The following ZNF385D variants were observed in gnomAD, a reference collection of about 807,000 sequenced individuals.
ZNF385D encodes the protein zinc finger protein 659.
In ZNF385D, 15 loss-of-function variants were observed where a neutral mutation model predicts 35.8. That is an observed-to-expected ratio of 0.42 (90% CI 0.28 to 0.64). The LOEUF (loss-of-function observed/expected upper bound fraction) is 0.64. ZNF385D is among the 30% of genes least tolerant of loss of function. The probability of loss-of-function intolerance (pLI) is 0.23; values close to 1 mark genes in which losing one functional copy is unlikely to be tolerated. For synonymous variants in ZNF385D, 212 were observed against 186.8 expected, an observed-to-expected ratio of 1.13 and a Z score of -1.10; for missense variants, 474 against 494.6, an observed-to-expected ratio of 0.96 and a Z score of 0.39.
chr3:21,711,188 C>T (rs1387608221), intron 1 of ZNF385D, among the ~76,000 whole-genome samples: 2 of 151,554 alleles, frequency 1.3e-5, no homozygotes, highest in Non-Finnish European at 2.9e-5. Context: ...ACTACAGGAG[C>T]CCACCATCAC....
chr3:21,560,372 T>C (rs1280749854), intron 3 of ZNF385D, among the ~76,000 whole-genome samples: 1 of 152,156 alleles, frequency 6.6e-6, no homozygotes, highest in Non-Finnish European at 1.5e-5. Context: ...TTGATGTTGA[T>C]GTTATTCATT....
chr3:21,436,260 G>A (rs1381084373), intron 5 of ZNF385D, among the ~76,000 whole-genome samples: 1 of 151,968 alleles, frequency 6.6e-6, no homozygotes, highest in Non-Finnish European at 1.5e-5. Context: ...ATTTTATCCC[G>A]GCTTGTCAGT....
intron 2 of ZNF385D, among the ~76,000 whole-genome samples, chr3:22,231,422 G>T (rs1698882300): frequency 6.6e-6 from 1 of 152,136 alleles, no homozygotes; most frequent in Non-Finnish European, 1.5e-5. Flanking sequence ...GCCCCAAGGA[G>T]CTGCCTCGCT....
chr3:22,342,771 A>C (rs1014293109), intron 2 of ZNF385D, among the ~76,000 whole-genome samples: 2 of 152,216 alleles, frequency 1.3e-5, no homozygotes, highest in African/African-American at 4.8e-5. Flanking sequence ...GCCCTTGAAG[A>C]AATGTCTCCA....
chr3:21,750,897 A>T lies in ZNF385D; in HGVS notation c.20T>A (p.Phe7Tyr). Residue 7 changes from phenylalanine (F) to tyrosine (Y), a missense_variant and splice_region_variant, in exon 1 of 8, where the codon TTT becomes TAT. Physicochemically the swap from Phe to Tyr is conservative, Grantham distance 22. Coordinates refer to ENST00000281523, the MANE Select transcript of ZNF385D (RefSeq NM_024697.3). ...ACATCATCAGAGTGAACACTCACCA[A>T]AATACATTATGTTTCTCATTAATCA... MRNIMY[F>Y]GGTCQSPALP... 1 of 1,614,122 alleles carries T rather than the reference A, an allele frequency of 6.2e-7. No homozygotes were observed. Among genetic ancestry groups the T allele is most frequent in the Non-Finnish European group, 8.5e-7 (1 of 1,180,012 alleles).
intron 2 of ZNF385D, among the ~76,000 whole-genome samples, chr3:21,619,205 A>C (rs1344281764): frequency 6.6e-6 from 1 of 152,092 alleles, no homozygotes; most frequent in Non-Finnish European, 1.5e-5. Context: ...AAGTATACCC[A>C]AGTCCTATTT....
intron 2 of ZNF385D, among the ~76,000 whole-genome samples, chr3:21,568,420 A>G (rs1020215655): frequency 2.0e-5 from 3 of 152,180 alleles, no homozygotes; most frequent in Admixed American, 6.6e-5. Context: ...ATATAAAAAG[A>G]AAGTCATGTA....
At chr3:21,574,799 C>T (rs2063445250) in intron 2 of ZNF385D, among the ~76,000 whole-genome samples, 1 of 151,888 alleles carries the variant, frequency 6.6e-6, no homozygotes, top group African/African-American at 2.4e-5. Flanking sequence ...TCAGAATATT[C>T]CATAATAAGT....
At chr3:21,901,078 G>T (rs1450940231) in intron 3 of ZNF385D, among the ~76,000 whole-genome samples, 1 of 152,208 alleles carries the variant, frequency 6.6e-6, no homozygotes. Context: ...AACATTTATT[G>T]AGTAGCAAGT....
At chr3:22,185,055 C>T (rs1257830328) in intron 2 of ZNF385D, among the ~76,000 whole-genome samples, 1 of 152,074 alleles carries the variant, frequency 6.6e-6, no homozygotes, top group Non-Finnish European at 1.5e-5. Flanking sequence ...CCTTGCTGTA[C>T]ATTGGATATT....
intron 2 of ZNF385D, among the ~76,000 whole-genome samples, chr3:22,355,133 C>G (rs142114111): frequency 6.6e-6 from 1 of 151,958 alleles, no homozygotes. Context: ...TATCATGTAT[C>G]ATGTTGTTGG....
rs565048374 is a variant in ZNF385D at position 21,693,626 on chromosome 3, T to A, written c.23-28598A>T. The stretch of plus-strand genomic sequence containing the variant: ...ATACCAAGAGGAATCATGCTAAAAT[T>A]CATAAACCAAAAAAGTATATGTCCT... On this transcript the variant is annotated intron_variant, in intron 1 of 7. Transcript: ENST00000281523. Among the ~76,000 whole-genome samples, 3 of 152,264 alleles carry A rather than the reference T, an allele frequency of 2.0e-5. No homozygotes were observed. In the South Asian group the frequency reaches 6.2e-4, roughly 32 times the overall value.
chr3:22,154,985 G>A lies in ZNF385D; in HGVS notation c.325+13832C>T, dbSNP rs559915278. Among the ~76,000 whole-genome samples the A allele has an allele frequency of 2.0e-5, 3 of 152,222 alleles. No individual in the cohort carries two copies. The East Asian group carries it at 5.8e-4, about 29-fold the overall frequency. ...ATTTGGTGGTTGACTACTATATTAA[G>A]TGAATTAAGGCAGCCATTGAACAGT... On this transcript the variant is annotated intron_variant, in intron 3 of 5. Transcript: ENST00000494108.
At chr3:22,075,320 A>G (rs948594299) in intron 3 of ZNF385D, among the ~76,000 whole-genome samples, 2 of 151,864 alleles carry the variant, frequency 1.3e-5, no homozygotes, top group Non-Finnish European at 2.9e-5. Context: ...TCCTCTCCAG[A>G]GGCCTAATGT....
Position 22,122,975 on chromosome 3 carries a change from T to C in ZNF385D, c.325+45842A>G, listed in dbSNP as rs894199133. Among the ~76,000 whole-genome samples the C allele has an allele frequency of 3.9e-5, 6 of 152,152 alleles. No homozygotes were observed. In the East Asian group the frequency reaches 7.7e-4, roughly 20 times the overall value. ...TAGGAGATAAGATCATATAGGGCTT[T>C]GGAGGCAACTTTAAAGACTACTTTT... On this transcript the variant is annotated intron_variant, in intron 3 of 5. Coordinates refer to the ZNF385D transcript ENST00000494108.
chr3:22,325,761 A>G (rs1218932646), intron 2 of ZNF385D, among the ~76,000 whole-genome samples: 1 of 152,160 alleles, frequency 6.6e-6, no homozygotes, highest in Non-Finnish European at 1.5e-5. Context: ...CTGTCTCAAA[A>G]AAACAAAAAA....
At chr3:21,715,020 T>C (rs1349877183) in intron 1 of ZNF385D, among the ~76,000 whole-genome samples, 1 of 152,196 alleles carries the variant, frequency 6.6e-6, no homozygotes, top group Non-Finnish European at 1.5e-5. Flanking sequence ...GGATTATTAA[T>C]TATAGTTTTC....
chr3:21,701,641 G>C lies in ZNF385D; in HGVS notation c.23-36613C>G, dbSNP rs1351854744. 2.6e-5 allele frequency among the ~76,000 whole-genome samples: 4 copies of C among 152,200 alleles called. No homozygotes were observed. In the East Asian group the frequency reaches 7.7e-4, roughly 29 times the overall value. On this transcript the variant is annotated intron_variant, in intron 1 of 7. Transcript: ENST00000281523. ...AGTCCACAGCCAAAGTCTCATCTGA[G>C]ACAAAGCAAGTGCCTTCTGCCTATG...
intron 2 of ZNF385D, among the ~76,000 whole-genome samples, chr3:22,254,914 A>G (rs1184564050): frequency 6.6e-6 from 1 of 151,860 alleles, no homozygotes; most frequent in Non-Finnish European, 1.5e-5. Context: ...ATAATTGACT[A>G]ACATGGGGGT....
Sources: gnomAD v4.1 joint callset for allele counts (sites outside exome capture counted in the v4.1 genomes callset) on GRCh38, gnomAD v4.1.1 for gene constraint, MANE v1.5 for transcripts, NCBI Gene and HGNC (gene_info 2026-07-23, HGNC 2026-07-21) for gene names.